Variants in OPTN observed in about 807,000 individuals in gnomAD.
The protein encoded by OPTN is optineurin.
Under a neutral mutation model 70.4 loss-of-function variants are expected in OPTN, and 54 were observed. The ratio of observed to expected loss-of-function variants is 0.77; its 90% CI spans 0.62 to 0.96. The LOEUF is 0.96. Among genes scored for constraint, OPTN ranks in the 40% least tolerant of loss-of-function variants. The probability of loss-of-function intolerance (pLI) is 0.00; values close to 1 mark genes in which losing one functional copy is unlikely to be tolerated. For synonymous variants in OPTN, 256 were observed against 248.5 expected (o/e 1.03, Z -0.28); for missense variants, 624 against 673.2 (o/e 0.93, Z 0.81).
At chr10:13,130,471 T>C (rs1833573131) in intron 12 of OPTN, among the ~76,000 whole-genome samples, 1 of 143,612 alleles carries the variant, frequency 7.0e-6, no homozygotes, top group Non-Finnish European at 1.5e-5. Context: ...CTGTTCTTAC[T>C]GCCTGGGATA....
At position 13,125,429 on chromosome 10, in the gene OPTN, T is replaced by C. The variant is rs770241226; in HGVS notation, c.1010T>C (p.Leu337Pro). Residue 337 changes from leucine to proline, a missense_variant, in exon 10 of 15, where the codon CTT becomes CCT. Leu to Pro is a moderately conservative substitution (Grantham distance 98). Coordinates refer to ENST00000378747, the MANE Select transcript of OPTN (RefSeq NM_001008212.2). ...KKRLQEKCQA[L>P]ERKNSAIPSE... The stretch of plus-strand genomic sequence containing the variant: ...TTGACCTTTCTTAGGTGTCAGGCCC[T>C]TGAAAGGAAAAATTCTGCAATTCCA... The C allele has an allele frequency of 4.3e-6, 7 of 1,614,024 alleles. No homozygotes were observed. In the African/African-American group the frequency reaches 6.7e-5, roughly 15 times the overall value.
chr10:13,124,159 C>A, intron 9 of OPTN, 49 bp downstream of exon 9: 1 of 1,030,752 alleles, frequency 9.7e-7, no homozygotes, highest in Non-Finnish European at 1.5e-6. Flanking sequence ...TACATTTTTA[C>A]AAAGTATACT....
chr10:13,102,345 C>T (rs1724679768), intron 1 of OPTN, among the ~76,000 whole-genome samples: 2 of 152,100 alleles, frequency 1.3e-5, no homozygotes, highest in Admixed American at 6.6e-5. Context: ...GAAAGTCTGT[C>T]GTGTATGGGA....
chr10:13,125,687 A>G lies in OPTN; in HGVS notation c.1148+120A>G, dbSNP rs143006801. On this transcript the variant is annotated intron_variant, in intron 10 of 14. Transcript: ENST00000378747. ...AAAAATTTCTTTTTCACTTATCTGAAGGAGTCCTAGCAGACCTCTCAGAGA... is the reference window on the plus strand; with the variant it reads ...AAAAATTTCTTTTTCACTTATCTGAGGGAGTCCTAGCAGACCTCTCAGAGA... The G allele has an allele frequency of 5.8e-5, 71 of 1,218,154 alleles. No individual in the cohort carries two copies. In the East Asian group the frequency reaches 1.6e-3, roughly 28 times the overall value. 75.5% of individuals were successfully genotyped at this position (1,218,154 alleles called of 1,614,324 possible).
In OPTN at chr10:13,133,389, TTGGCAG is replaced by T. The variant is rs1204676359; in HGVS notation, c.1533-110_1533-105del. 5 of 869,330 alleles carry T rather than the reference TTGGCAG, an allele frequency of 5.8e-6. No individual in the cohort carries two copies. In the African/African-American group the frequency reaches 8.3e-5, roughly 14 times the overall value. 53.9% of individuals were successfully genotyped at this position (869,330 alleles called of 1,614,324 possible). A position where few individuals can be genotyped will look rare whatever the true frequency, so the allele number is the denominator to read the frequency against. On this transcript the variant is annotated intron_variant, in intron 13 of 14. Transcript: ENST00000378747. ...AAAATTAGTCTGGTTTTTATGAACC[TTGGCAG>T]TGTAGTTTGAGTCTTTTTTCCCCTA...
At chr10:13,134,663 G>C (rs899140158) in intron 14 of OPTN, among the ~76,000 whole-genome samples, 3 of 152,086 alleles carry the variant, frequency 2.0e-5, no homozygotes, top group Non-Finnish European at 2.9e-5. Flanking sequence ...CCTGACCCCA[G>C]GAGATCTGCC....
chr10:13,135,623 G>A (rs1037732895), intron 14 of OPTN, among the ~76,000 whole-genome samples: 5 of 151,952 alleles, frequency 3.3e-5, no homozygotes, highest in East Asian at 1.9e-4. Flanking sequence ...TCTGTCTCCC[G>A]GCACACAGCA....
chr10:13,129,780 T>G (rs1382917955), intron 12 of OPTN, among the ~76,000 whole-genome samples: 1 of 152,232 alleles, frequency 6.6e-6, no homozygotes, highest in Non-Finnish European at 1.5e-5. Context: ...TTGCATTATT[T>G]TAAAAACCTT....
chr10:13,108,157 T>C lies in OPTN; in HGVS notation c.-144T>C, dbSNP rs780893081. 6.6e-6 allele frequency: 1 copy of C among 152,252 alleles called. No individual in the cohort carries two copies. Among genetic ancestry groups the C allele is most frequent in the Non-Finnish European group, 1.5e-5 (1 of 68,054 alleles). The allele number at this position is 152,252 out of a possible 1,614,324, so 9.4% of individuals were successfully genotyped here. ...TACAAGGTGTGGCTTTGATAGCTGG[T>C]GGTGCCACTTCCTGGCCTTGGATGA... On this transcript the variant is annotated 5_prime_UTR_variant, in exon 2 of 15. Transcript: ENST00000378747.
Position 13,110,484 on chromosome 10 carries a change from G to T in OPTN, c.369+8G>T. ...TCAGAAAGGTCATCTGAGGTGAGCA[G>T]ACCGATCCATTGTGATGTTGTTTTT... is the stretch of plus-strand genomic sequence containing the variant. On this transcript the variant is annotated splice_region_variant and intron_variant, in intron 4 of 14. Transcript: ENST00000378747. 1.2e-6 allele frequency: 2 copies of T among 1,605,348 alleles called. No individual in the cohort carries two copies. Among genetic ancestry groups the T allele is most frequent in the South Asian group, 2.2e-5 (2 of 90,276 alleles).
chr10:13,133,962 C>T (rs1833646418), intron 14 of OPTN, among the ~76,000 whole-genome samples: 1 of 152,182 alleles, frequency 6.6e-6, no homozygotes, highest in South Asian at 2.1e-4. Flanking sequence ...GCGTGCACCG[C>T]CACACCCAGC....
Position 13,128,502 on chromosome 10 carries a change from C to CTTTTTTTTTTTTT in OPTN, c.1401+619_1401+631dup. Among the ~76,000 whole-genome samples, 56 of 33,466 alleles carry CTTTTTTTTTTTTT rather than the reference C, an allele frequency of 1.7e-3. 8 individuals are homozygous for CTTTTTTTTTTTTT. The highest frequency in any genetic ancestry group is 4.0e-3 in the East Asian group (6 of 1,514). 22.0% of individuals were successfully genotyped at this position (33,466 alleles called of 152,430 possible). ...TTGTGAAGTGCCTTATCAAGCCTGCCTTTTTTTTTTTTTTTTTTTTTTTTT... is the reference window on the plus strand; with the variant it reads ...TTGTGAAGTGCCTTATCAAGCCTGCCTTTTTTTTTTTTTTTTTTTTTTTTTTTTTTTTTTTTTT... On this transcript the variant is annotated intron_variant, in intron 12 of 14. Coordinates refer to ENST00000378747, the MANE Select transcript of OPTN (RefSeq NM_001008212.2).
Position 13,119,008 on chromosome 10 carries a change from A to T in OPTN, c.747A>T (p.Arg249Ser), listed in dbSNP as rs1366419317. 6.2e-6 allele frequency: 10 copies of T among 1,614,052 alleles called. No individual in the cohort carries two copies. The highest frequency in any genetic ancestry group is 6.8e-6 in the Non-Finnish European group (8 of 1,180,022). Residue 249 changes from arginine to serine, a missense_variant, in exon 7 of 15, where the codon AGA (arginine) becomes AGT (serine). Coordinates refer to ENST00000378747, the MANE Select transcript of OPTN (RefSeq NM_001008212.2). ...CLREGNQKVERLEVALKEAKE... is the reference protein window; with the variant it reads ...CLREGNQKVESLEVALKEAKE... ...GGGAAGGGAATCAGAAGGTGGAGAG[A>T]CTTGAAGTTGCACTCAAGGAGGCCA...
At chr10:13,122,595 C>A in intron 8 of OPTN, 108 bp downstream of exon 8, 1 of 783,270 alleles carries the variant, frequency 1.3e-6, no homozygotes, top group Non-Finnish European at 2.3e-6. Context: ...ATATAGAAAT[C>A]ATGTTGATAT....
intron 12 of OPTN, among the ~76,000 whole-genome samples, chr10:13,130,865 A>G (rs1431075198): frequency 6.6e-6 from 1 of 152,136 alleles, no homozygotes; most frequent in Non-Finnish European, 1.5e-5. Context: ...TTAAAACACT[A>G]TTAAGTGTTT....
chr10:13,125,345 T>C (rs967487707), intron 9 of OPTN, 73 bp from the exon 10 acceptor site: 3 of 1,520,958 alleles, frequency 2.0e-6, no homozygotes, highest in Admixed American at 3.3e-5. Context: ...GTACATAACC[T>C]TGGGGTTTGT....
chr10:13,113,185 C>T (rs1161154000), intron 5 of OPTN, among the ~76,000 whole-genome samples: 1 of 152,092 alleles, frequency 6.6e-6, no homozygotes, highest in African/African-American at 2.4e-5. Context: ...TCACACCCGG[C>T]TAACTTTTTG....
At chr10:13,133,452 G>A in intron 13 of OPTN, 50 bp from the exon 14 acceptor site, 1 of 1,504,022 alleles carries the variant, frequency 6.6e-7, no homozygotes, top group East Asian at 2.3e-5. Context: ...GTGTTGTCAT[G>A]TTTCGGGGTT....
At chr10:13,131,029 C>T (rs1046730987) in intron 12 of OPTN, among the ~76,000 whole-genome samples, 3 of 152,154 alleles carry the variant, frequency 2.0e-5, no homozygotes, top group Admixed American at 1.3e-4. Flanking sequence ...AGGTGATCCT[C>T]GTGCCTCAGC....
Sources: gnomAD v4.1 joint callset for allele counts (sites outside exome capture counted in the v4.1 genomes callset) on GRCh38, gnomAD v4.1.1 for gene constraint, MANE v1.5 for transcripts, NCBI Gene and HGNC (gene_info 2026-07-23, HGNC 2026-07-21) for gene names.